The following FMR1NB variants were observed in gnomAD, a reference collection of about 807,000 sequenced individuals.
FMR1NB encodes FMR1 neighbor, also known as FMR1 neighbor protein.
Under a neutral mutation model 16.8 loss-of-function variants are expected in FMR1NB, and 10 were observed. The ratio of observed to expected loss-of-function variants is 0.60; its 90% CI spans 0.37 to 1.01. The LOEUF (loss-of-function observed/expected upper bound fraction) is 1.01, where lower values mean the gene tolerates loss of function less well. Ranked by LOEUF, FMR1NB falls within the 50% of genes least tolerant of loss-of-function variation. The pLI, the probability that FMR1NB is intolerant of heterozygous loss-of-function variation, is 0.01. For missense variants in FMR1NB, 205 were observed against 204.8 expected, an observed-to-expected ratio of 1.00 and a Z score of 0.00; for synonymous variants, 83 against 79.1, an observed-to-expected ratio of 1.05 and a Z score of -0.26.
intron 4 of FMR1NB, among the ~76,000 whole-genome samples, chrX:148,012,752 G>A (rs1450330384): frequency 1.8e-5 from 2 of 111,187 alleles, no homozygotes; most frequent in African/African-American, 6.5e-5. Flanking sequence ...TCTTACAATG[G>A]GAGGTAAAGA....
At chrX:147,985,565 G>A (rs782254381) in intron 1 of FMR1NB, among the ~76,000 whole-genome samples, 6 of 110,977 alleles carry the variant, frequency 5.4e-5, no homozygotes, top group South Asian at 3.8e-4. Context: ...GAGAACATGC[G>A]GTGTTTAGTT....
intron 4 of FMR1NB, among the ~76,000 whole-genome samples, chrX:148,022,943 T>C (rs2044686641): frequency 8.9e-6 from 1 of 112,082 alleles, no homozygotes; most frequent in South Asian, 3.7e-4. Flanking sequence ...TTCTCTAAAA[T>C]CCTGAAATTC....
At chrX:148,012,287 T>G (rs2044629307) in intron 4 of FMR1NB, among the ~76,000 whole-genome samples, 1 of 112,126 alleles carries the variant, frequency 8.9e-6, no homozygotes, top group Non-Finnish European at 1.9e-5. Context: ...TCTTTATCTG[T>G]TTTTAGATAA....
rs192794285 is a variant in FMR1NB, at chrX:148,012,386, G to C, written c.632+3675G>C. ...AGTGTGTCTGTAGCTTTGGTAAGGTGGAAAATTTAAACATAATACCATGCC... is the reference window on the plus strand; with the variant it reads ...AGTGTGTCTGTAGCTTTGGTAAGGTCGAAAATTTAAACATAATACCATGCC... On this transcript the variant is annotated intron_variant, in intron 4 of 5. Coordinates refer to ENST00000370467, the MANE Select transcript of FMR1NB (RefSeq NM_152578.3). Among the ~76,000 whole-genome samples, 7 of 111,605 alleles carry C rather than the reference G, an allele frequency of 6.3e-5. No homozygotes were observed. In the East Asian group the frequency reaches 1.7e-3, roughly 27 times the overall value.
At chrX:148,005,457 C>A (rs782476272) in intron 2 of FMR1NB, among the ~76,000 whole-genome samples, 4 of 111,048 alleles carry the variant, frequency 3.6e-5, no homozygotes, top group African/African-American at 9.8e-5. Flanking sequence ...TTGATGCAAT[C>A]CAACCTAGGG....
At chrX:148,021,293 A>G (rs73638133) in intron 4 of FMR1NB, among the ~76,000 whole-genome samples, 553 of 111,062 alleles carry the variant, frequency 5.0e-3, no homozygotes, top group African/African-American at 0.017. Context: ...GGCATTGGCA[A>G]TTCAAGACTG....
chrX:147,981,693 C>T lies in FMR1NB; in HGVS notation c.277+14C>T, dbSNP rs2044447924. On this transcript the variant is annotated intron_variant, in intron 1 of 5. Transcript: ENST00000370467. ...ACCTGTGCTCCGGTGAGTGCTGGCT[C>T]AGGCCAGGCAGGGAAATGCTGGGGG... The T allele has an allele frequency of 5.5e-6, 5 of 901,430 alleles. No individual in the cohort carries two copies. The highest frequency in any genetic ancestry group is 7.0e-6 in the Non-Finnish European group (5 of 715,382). The allele number at this position is 901,430 out of a possible 1,213,427, so 74.3% of individuals were successfully genotyped here. A position where few individuals can be genotyped will look rare whatever the true frequency, so the allele number is the denominator to read the frequency against.
At chrX:147,981,713 TG>T (rs782191396) in intron 1 of FMR1NB, 34 bp downstream of exon 1, 2 of 66,101 alleles carry the variant, frequency 3.0e-5, no homozygotes, top group African/African-American at 4.1e-4. Context: ...AGGGAAATGC[TG>T]GGGGAGGGGG....
At chrX:148,024,831 A>G (rs781791277) in intron 4 of FMR1NB, 34 bp from the exon 5 acceptor site, 6 of 1,200,016 alleles carry the variant, frequency 5.0e-6, no homozygotes, top group Non-Finnish European at 6.8e-6. Context: ...CACTAATGAG[A>G]AATAAGGTTT....
intron 1 of FMR1NB, among the ~76,000 whole-genome samples, chrX:147,999,397 G>T (rs1385476122): frequency 2.7e-5 from 3 of 111,849 alleles, no homozygotes; most frequent in Non-Finnish European, 5.6e-5. Context: ...CCTTCCATCT[G>T]TAGCTCCCTT....
intron 2 of FMR1NB, among the ~76,000 whole-genome samples, chrX:148,003,781 T>A (rs1557188842): frequency 1.8e-5 from 2 of 111,349 alleles, no homozygotes; most frequent in Non-Finnish European, 3.8e-5. Context: ...AGGTTTCAAG[T>A]CTCACTGTCT....
intron 1 of FMR1NB, among the ~76,000 whole-genome samples, chrX:147,997,657 C>T (rs5904830): frequency 0.15 from 16,231 of 111,177 alleles, 1,632 homozygotes; most frequent in African/African-American, 0.37. Context: ...AAACTATCAT[C>T]GGAGTGAACT....
At chrX:147,988,673 G>A (rs1282989516) in intron 1 of FMR1NB, among the ~76,000 whole-genome samples, 3 of 111,394 alleles carry the variant, frequency 2.7e-5, no homozygotes, top group African/African-American at 6.5e-5. Flanking sequence ...TTTTCACATA[G>A]TCCCATATTT....
At chrX:147,982,818 C>A (rs184380461) in intron 1 of FMR1NB, among the ~76,000 whole-genome samples, 1 of 110,423 alleles carries the variant, frequency 9.1e-6, no homozygotes, top group Non-Finnish European at 1.9e-5. Context: ...GGCATGGACC[C>A]GGAAGGCGGA....
chrX:147,993,244 G>A (rs1391840570), intron 1 of FMR1NB, among the ~76,000 whole-genome samples: 9 of 112,763 alleles, frequency 8.0e-5, no homozygotes, highest in South Asian at 3.6e-4. Flanking sequence ...GCGAAACCCC[G>A]TCTCCACCAA....
chrX:148,002,521 C>T (rs1473063025), intron 1 of FMR1NB, among the ~76,000 whole-genome samples: 11 of 111,632 alleles, frequency 9.9e-5, no homozygotes, highest in Non-Finnish European at 1.5e-4. Context: ...TGCAAGCTAA[C>T]GATAATGTAA....
At chrX:147,998,608 G>T (rs2044554993) in intron 1 of FMR1NB, among the ~76,000 whole-genome samples, 1 of 112,597 alleles carries the variant, frequency 8.9e-6, no homozygotes, top group Non-Finnish European at 1.9e-5. Flanking sequence ...TATCAAAAAA[G>T]ACAAAGTTTA....
chrX:148,023,542 G>A (rs1002242393), intron 4 of FMR1NB, among the ~76,000 whole-genome samples: 1 of 111,691 alleles, frequency 9.0e-6, no homozygotes, highest in Non-Finnish European at 1.9e-5. Context: ...CAGCTAAGTA[G>A]CACTTACAAG....
rs200338308 is a variant in FMR1NB at position 148,011,531 on chromosome X, CATTTA to C, written c.632+2822_632+2826del. Reference sequence around the variant, plus strand: ...CTTAAAACAAATCCCAAGTATGACACATTTAAATTACAATATAAGACGAAAATAAT... The same window carrying C: ...CTTAAAACAAATCCCAAGTATGACACAATTACAATATAAGACGAAAATAAT... On this transcript the variant is annotated intron_variant, in intron 4 of 5. Transcript: ENST00000370467. 5.5e-3 allele frequency among the ~76,000 whole-genome samples: 615 copies of C among 111,005 alleles called. 4 individuals carry two copies. The highest frequency in any genetic ancestry group is 0.028 in the Middle Eastern group (6 of 218).
Sources: allele counts gnomAD v4.1 joint callset (sites outside exome capture counted in the v4.1 genomes callset), GRCh38; gene constraint gnomAD v4.1.1; transcripts MANE v1.5; gene names NCBI Gene and HGNC (gene_info 2026-07-23, HGNC 2026-07-21).